Variants in LCT observed in about 807,000 individuals in gnomAD.
LCT encodes lactase/phlorizin hydrolase.
In LCT, 90 loss-of-function variants were observed where a neutral mutation model predicts 173.0. The ratio of observed to expected loss-of-function variants is 0.52; its 90% confidence interval spans 0.44 to 0.62. The LOEUF (loss-of-function observed/expected upper bound fraction) is 0.62. LCT is among the 20% of genes least tolerant of loss of function. The pLI, the probability that LCT is intolerant of heterozygous loss-of-function variation, is 0.00. For synonymous variants in LCT, 853 were observed against 957.6 expected (o/e 0.89, Z 2.02); for missense variants, 1,864 against 2,431.4 (o/e 0.77, Z 4.91).
intron 12 of LCT, among the ~76,000 whole-genome samples, chr2:135,798,470 G>T (rs1339976008): frequency 6.6e-6 from 1 of 152,204 alleles, no homozygotes; most frequent in East Asian, 1.9e-4. Context: ...CAGAGGAGAA[G>T]GGAGAACCCA....
At chr2:135,797,579 G>A (rs1310536190) in intron 13 of LCT, among the ~76,000 whole-genome samples, 1 of 152,200 alleles carries the variant, frequency 6.6e-6, no homozygotes, top group African/African-American at 2.4e-5. Flanking sequence ...CAGAAGATGG[G>A]TAAACGTTGG....
intron 3 of LCT, 146 bp from the exon 4 acceptor site, chr2:135,824,149 A>G (rs1055117326): frequency 1.0e-5 from 7 of 693,436 alleles, no homozygotes; most frequent in Non-Finnish European, 1.9e-5. Flanking sequence ...AAAGGAGTCA[A>G]CTCTAGACTC....
chr2:135,789,505 C>T (rs944317045), intron 16 of LCT, 66 bp downstream of exon 16: 1 of 1,116,324 alleles, frequency 9.0e-7, no homozygotes, highest in East Asian at 2.4e-5. Context: ...AGAAAACAGA[C>T]TGAGAGAGGC....
chr2:135,794,661 G>A lies in LCT; in HGVS notation c.5091C>T (p.Ile1697=). Residue 1697 remains isoleucine, a synonymous_variant, in exon 14 of 17, where the codon ATC becomes ATT. Transcript: ENST00000264162. ...CTTACCTGTCTGCATCAAAAGAAGA[G>A]ATGGCAGTGGCATAGTTGAGGTTGT... ...LAYNLNYATA[I]SSFDADRGVA... 1 of 1,614,176 alleles carries A rather than the reference G, an allele frequency of 6.2e-7. No individual in the cohort carries two copies. The highest frequency in any genetic ancestry group is 8.5e-7 in the Non-Finnish European group (1 of 1,180,020).
chr2:135,809,042 G>C lies in LCT; in HGVS notation c.3305C>G (p.Ala1102Gly). The C allele has an allele frequency of 6.2e-7, 1 of 1,612,824 alleles. No individual in the cohort carries two copies. Among genetic ancestry groups the C allele is most frequent in the South Asian group, 1.1e-5 (1 of 91,074 alleles). The change falls in exon 8 of 17, where the codon GCC becomes GGC. Residue 1102 changes from alanine (A) to glycine (G), a missense_variant. Ala to Gly is a moderately conservative substitution (Grantham distance 60). Coordinates refer to ENST00000264162, the MANE Select transcript of LCT (RefSeq NM_002299.4). The surrounding 1 kb of genome is among the most constrained non-coding windows in gnomAD (Gnocchi z 5.5). ...RIAHAVIKAH[A>G]RVYHTYDEKY... ...CTCATCGTACGTGTGATAGACTCTG[G>C]CATGGGCTTTGATGACGGCGTGGGC... is the stretch of plus-strand genomic sequence containing the variant.
intron 2 of LCT, among the ~76,000 whole-genome samples, chr2:135,829,937 A>G (rs1331688973): frequency 6.6e-6 from 1 of 151,984 alleles, no homozygotes. Flanking sequence ...TGTGCTCAGC[A>G]CACAGAAAGC....
rs1345778486 is a variant in LCT, at chr2:135,817,596, T to C, written c.1452A>G (p.Leu484=). The change falls in exon 6 of 17, where the codon CTA becomes CTG. Residue 484 remains leucine (L), a synonymous_variant. Coordinates refer to ENST00000264162, the MANE Select transcript of LCT (RefSeq NM_002299.4). ...CCATGGGCTCGATGCCCGCATCCTG[T>C]AGCCTGTCAATCAGCTTGTTGTAGT... The part of the protein sequence containing the change: ...VAYYNKLIDR[L]QDAGIEPMAT... 6.2e-7 allele frequency: 1 copy of C among 1,614,132 alleles called. No homozygotes were observed. The highest frequency in any genetic ancestry group is 2.2e-5 in the East Asian group (1 of 44,884).
chr2:135,789,837 T>C (rs757768837), intron 15 of LCT, 39 bp from the exon 16 acceptor site: 2 of 1,552,360 alleles, frequency 1.3e-6, no homozygotes, highest in Non-Finnish European at 1.8e-6. Flanking sequence ...GTTTCCTATC[T>C]CATAAGGCAG....
chr2:135,824,410 G>A (rs1305023552), intron 3 of LCT, among the ~76,000 whole-genome samples: 3 of 152,100 alleles, frequency 2.0e-5, no homozygotes, highest in Non-Finnish European at 2.9e-5. Context: ...GTGTGGTGGT[G>A]CATGCCTGTA....
rs1192088205 is a variant in LCT, at chr2:135,808,682, T to C, written c.3665A>G (p.Asn1222Ser). ...RIVQHKTPRL[N>S]PPSYEDDQEM... Reference sequence around the variant, plus strand: ...CTGGTCGTCTTCGTAGGAGGGTGGGTTTAGCCTGGGTGTTTTGTGCTGCAC... The same window carrying C: ...CTGGTCGTCTTCGTAGGAGGGTGGGCTTAGCCTGGGTGTTTTGTGCTGCAC... Residue 1222 changes from asparagine to serine, a missense_variant, in exon 8 of 17, where the codon AAC (asparagine) becomes AGC (serine). By Grantham distance (46) the Asn-to-Ser change is conservative. This residue lies in a region of LCT where 755 missense variants were observed against 926.3 expected (regional missense o/e 0.82). Coordinates refer to ENST00000264162, the MANE Select transcript of LCT (RefSeq NM_002299.4). 7.4e-6 allele frequency: 12 copies of C among 1,614,040 alleles called. No individual in the cohort carries two copies. The East Asian group carries it at 2.2e-4, about 30-fold the overall frequency.
chr2:135,829,962 G>A (rs1046131944), intron 2 of LCT, among the ~76,000 whole-genome samples: 3 of 152,024 alleles, frequency 2.0e-5, no homozygotes, highest in African/African-American at 7.2e-5. Flanking sequence ...AGTGTTGATG[G>A]CTAAATGAAT....
chr2:135,811,844 G>A (rs1043118392), intron 7 of LCT, among the ~76,000 whole-genome samples: 2 of 151,980 alleles, frequency 1.3e-5, no homozygotes, highest in Admixed American at 6.6e-5. Flanking sequence ...ACTTTGGGAG[G>A]ATTGAAGTGA....
rs759478552 is a variant in LCT at position 135,812,888 on chromosome 2, C to T, written c.1776G>A (p.Gln592=). The T allele has an allele frequency of 2.5e-6, 4 of 1,614,086 alleles. No homozygotes were observed. In the Admixed American group the frequency reaches 6.7e-5, roughly 27 times the overall value. ...GCACAATGCCCACGTGCCCCTGCTG[C>T]TGTGGGCGATGATGGCTGTTGTAGT... ...WHHYNSHHRP[Q]QQGHVGIVLN... is the part of the protein sequence containing the mutation. The change falls in exon 7 of 17, where the codon CAG becomes CAA. Residue 592 remains glutamine, a synonymous_variant. Coordinates refer to ENST00000264162, the MANE Select transcript of LCT (RefSeq NM_002299.4).
Position 135,817,355 on chromosome 2 carries a change from C to T in LCT, c.1693G>A (p.Val565Met). Residue 565 changes from valine (V) to methionine (M), a missense_variant, in exon 6 of 17, where the codon GTG becomes ATG. Transcript: ENST00000264162. ...QHPPGISDPGVASFKVAHLVL... is the reference protein window; with the variant it reads ...QHPPGISDPGMASFKVAHLVL... ...TTGGGAAGTACCTTAAAAGAGGCCACTCCTGGGTCAGAGATGCCGGGAGGG... is the reference window on the plus strand; with the variant it reads ...TTGGGAAGTACCTTAAAAGAGGCCATTCCTGGGTCAGAGATGCCGGGAGGG... The T allele has an allele frequency of 6.2e-7, 1 of 1,614,014 alleles. No individual in the cohort carries two copies. Among genetic ancestry groups the T allele is most frequent in the South Asian group, 1.1e-5 (1 of 91,082 alleles).
rs1173808790 is a variant in LCT at position 135,790,606 on chromosome 2, GA to G, written c.5335+51del. On this transcript the variant is annotated intron_variant, in intron 15 of 16. Transcript: ENST00000264162. The surrounding 1 kb of genome is among the most constrained non-coding windows in gnomAD (Gnocchi z 4.1). ...CTGTATCACACTCCTGCAAATAGCAGATGTTTCCAACAGGGGAAGGTGCACG... is the reference window on the plus strand; with the variant it reads ...CTGTATCACACTCCTGCAAATAGCAGTGTTTCCAACAGGGGAAGGTGCACG... The G allele has an allele frequency of 8.6e-7, 1 of 1,166,394 alleles. No individual in the cohort carries two copies. Among genetic ancestry groups the G allele is most frequent in the African/African-American group, 1.5e-5 (1 of 66,284 alleles). 72.3% of individuals were successfully genotyped at this position (1,166,394 alleles called of 1,614,324 possible).
intron 6 of LCT, among the ~76,000 whole-genome samples, chr2:135,814,387 G>C (rs1174115585): frequency 1.3e-5 from 2 of 152,248 alleles, no homozygotes; most frequent in East Asian, 3.9e-4. Context: ...CATCACAACT[G>C]CTTAATAATA....
At position 135,788,235 on chromosome 2, in the gene LCT, G is replaced by C. The variant is rs940427091; in HGVS notation, c.*89C>G. On this transcript the variant is annotated 3_prime_UTR_variant, in exon 17 of 17. Transcript: ENST00000264162. ...GACTTTATGGAGAAGTCCAGTATCA[G>C]CAGAGTCTAAGACCCTAAGGTGTTT... 2 of 917,590 alleles carry C rather than the reference G, an allele frequency of 2.2e-6. No homozygotes were observed. Among genetic ancestry groups the C allele is most frequent in the African/African-American group, 1.6e-5 (1 of 61,740 alleles). The allele number at this position is 917,590 out of a possible 1,614,324, so 56.8% of individuals were successfully genotyped here. A position where few individuals can be genotyped will look rare whatever the true frequency, so the allele number is the denominator to read the frequency against.
At position 135,831,147 on chromosome 2, in the gene LCT, A is replaced by G. The variant is rs530564993; in HGVS notation, c.721-1471T>C. Among the ~76,000 whole-genome samples, 5 of 152,310 alleles carry G rather than the reference A, an allele frequency of 3.3e-5. No homozygotes were observed. The South Asian group carries it at 1.0e-3, about 32-fold the overall frequency. On this transcript the variant is annotated intron_variant, in intron 2 of 16. Transcript: ENST00000264162. The stretch of plus-strand genomic sequence containing the variant: ...ACTCAAGCTTGGGAACCACTGGTCT[A>G]AAGCAATGGCTAAGGGTCCGGGTGG...
In LCT at chr2:135,800,592, A is replaced by G. The variant is rs1233766524; in HGVS notation, c.4866+15T>C. ...TGGACAAGAGTAAGAACAAGCGCCC[A>G]GAGGAAAAACAGACCTGAACATATC... is the stretch of plus-strand genomic sequence containing the variant. On this transcript the variant is annotated intron_variant, in intron 12 of 16. Transcript: ENST00000264162. 2.5e-6 allele frequency: 4 copies of G among 1,603,184 alleles called. No homozygotes were observed. Among genetic ancestry groups the G allele is most frequent in the Non-Finnish European group, 3.4e-6 (4 of 1,171,790 alleles).
Sources: allele counts gnomAD v4.1 joint callset (sites outside exome capture counted in the v4.1 genomes callset), GRCh38; gene constraint gnomAD v4.1.1; regional missense constraint gnomAD v4.1.1; non-coding constraint Gnocchi (gnomAD v3.1); transcripts MANE v1.5; gene names NCBI Gene and HGNC (gene_info 2026-07-23, HGNC 2026-07-21).